The following RAB38 variants were observed in gnomAD, a reference collection of about 807,000 sequenced individuals.
RAB38 encodes RAB38, member RAS oncogene family.
A neutral mutation model predicts 18.4 loss-of-function variants in RAB38; 15 were observed. The ratio of observed to expected loss-of-function variants is 0.82; its 90% CI spans 0.55 to 1.26. The LOEUF is 1.26. Ranked by LOEUF, RAB38 falls within the 50% of genes most tolerant of loss-of-function variation. The probability of loss-of-function intolerance (pLI) is 0.00; values close to 1 mark genes in which losing one functional copy is unlikely to be tolerated. For synonymous variants in RAB38, 101 were observed against 104.4 expected, an observed-to-expected ratio of 0.97 and a Z score of 0.20; for missense variants, 294 against 267.4, an observed-to-expected ratio of 1.10 and a Z score of -0.69.
At chr11:87,891,553 G>A in the RAB38 span, among the ~76,000 whole-genome samples, 10 of 151,760 alleles carry the variant, frequency 6.6e-5, no homozygotes, top group Non-Finnish European at 1.5e-4. Flanking sequence ...CTAAAGAACC[G>A]AGTTTCTGGG....
chr11:87,888,693 C>G, the RAB38 span, among the ~76,000 whole-genome samples: 4 of 151,888 alleles, frequency 2.6e-5, no homozygotes, highest in Non-Finnish European at 1.5e-5. Flanking sequence ...TGGAAACATG[C>G]AAGAAACCAG....
chr11:88,153,749 G>C (rs1245077905), intron 1 of RAB38, among the ~76,000 whole-genome samples: 1 of 152,204 alleles, frequency 6.6e-6, no homozygotes, highest in African/African-American at 2.4e-5. Context: ...GCAGAGATCA[G>C]GAATTTGTAT....
the RAB38 span, among the ~76,000 whole-genome samples, chr11:87,884,031 G>T: frequency 6.6e-6 from 1 of 151,868 alleles, no homozygotes; most frequent in Non-Finnish European, 1.5e-5. Flanking sequence ...TTATTATTAG[G>T]CATGAAGGCC....
chr11:87,805,056 T>C, the RAB38 span, among the ~76,000 whole-genome samples: 82 of 152,298 alleles, frequency 5.4e-4, 1 homozygote, highest in South Asian at 4.1e-4. Context: ...TGCCAACATT[T>C]TGACTCTGTG....
At chr11:88,098,366 T>C in the RAB38 span, among the ~76,000 whole-genome samples, 1 of 151,974 alleles carries the variant, frequency 6.6e-6, no homozygotes, top group African/African-American at 2.4e-5. Flanking sequence ...AAGAGAAAAC[T>C]TAAGTCTATA....
At chr11:87,876,691 A>AT in the RAB38 span, among the ~76,000 whole-genome samples, 1 of 151,076 alleles carries the variant, frequency 6.6e-6, no homozygotes, top group Non-Finnish European at 1.5e-5. Flanking sequence ...AAGTTTGAAA[A>AT]TTTTTTCTTA....
At chr11:88,153,231 G>T (rs1052510887) in intron 1 of RAB38, among the ~76,000 whole-genome samples, 3 of 152,204 alleles carry the variant, frequency 2.0e-5, no homozygotes, top group Non-Finnish European at 4.4e-5. Flanking sequence ...TGGTGTGGCT[G>T]ATCTCAAAGG....
the RAB38 span, among the ~76,000 whole-genome samples, chr11:87,976,823 T>TATATAC: frequency 2.6e-5 from 2 of 76,310 alleles, no homozygotes; most frequent in Admixed American, 3.0e-4. Flanking sequence ...TATTATACAA[T>TATATAC]GTATAATATA....
intron 2 of RAB38, among the ~76,000 whole-genome samples, chr11:88,121,482 T>C (rs1942627822): frequency 6.6e-6 from 1 of 152,228 alleles, no homozygotes; most frequent in East Asian, 1.9e-4. Flanking sequence ...CAGCCCATGT[T>C]CAGACACTCA....
the RAB38 span, among the ~76,000 whole-genome samples, chr11:88,081,381 A>G: frequency 2.0e-5 from 3 of 152,044 alleles, no homozygotes; most frequent in East Asian, 3.9e-4. Context: ...AGCTGACATA[A>G]CACATACTCC....
At chr11:87,971,173 T>C in the RAB38 span, among the ~76,000 whole-genome samples, 5 of 152,050 alleles carry the variant, frequency 3.3e-5, no homozygotes, top group Admixed American at 6.6e-5. Context: ...TTTCAAGCTA[T>C]TGAAAAGCAA....
the RAB38 span, among the ~76,000 whole-genome samples, chr11:87,968,082 G>T: frequency 1.2e-4 from 19 of 152,114 alleles, no homozygotes; most frequent in South Asian, 1.0e-3. Context: ...GTATTATTTG[G>T]CTTATTTTCA....
the RAB38 span, among the ~76,000 whole-genome samples, chr11:88,070,070 T>C: frequency 6.6e-6 from 1 of 152,184 alleles, no homozygotes; most frequent in Non-Finnish European, 1.5e-5. Flanking sequence ...CCTTCCACAC[T>C]GTGGAAGCTT....
At chr11:88,119,880 C>T (rs1044616726) in intron 2 of RAB38, among the ~76,000 whole-genome samples, 10 of 152,078 alleles carry the variant, frequency 6.6e-5, no homozygotes, top group African/African-American at 2.4e-4. Flanking sequence ...CACCACTGTA[C>T]AAAAAGTATT....
At chr11:88,086,240 G>C in the RAB38 span, among the ~76,000 whole-genome samples, 3 of 151,834 alleles carry the variant, frequency 2.0e-5, no homozygotes, top group Non-Finnish European at 4.4e-5. Context: ...ATTGTTTTAA[G>C]AAAGACAGTT....
the RAB38 span, among the ~76,000 whole-genome samples, chr11:87,830,823 G>T: frequency 8.1e-4 from 123 of 152,026 alleles, no homozygotes; most frequent in African/African-American, 2.8e-3. Flanking sequence ...TTTTGAGACA[G>T]GGTCTCTCTC....
the RAB38 span, among the ~76,000 whole-genome samples, chr11:88,092,716 T>C: frequency 1.3e-5 from 2 of 151,544 alleles, no homozygotes; most frequent in Non-Finnish European, 2.9e-5. Flanking sequence ...TATTTTCTAA[T>C]ATATAAATAT....
chr11:87,887,410 G>A, the RAB38 span, among the ~76,000 whole-genome samples: 18 of 151,278 alleles, frequency 1.2e-4, no homozygotes, highest in Non-Finnish European at 7.4e-5. Context: ...CATATGCTCC[G>A]CAGAGTGCTG....
intron 2 of RAB38, among the ~76,000 whole-genome samples, chr11:88,127,845 A>G (rs977793787): frequency 2.0e-5 from 3 of 152,210 alleles, no homozygotes; most frequent in African/African-American, 7.2e-5. Flanking sequence ...TATAGTATCT[A>G]TGGTCACACA....
Sources: gnomAD v4.1 joint callset for allele counts (sites outside exome capture counted in the v4.1 genomes callset) on GRCh38, gnomAD v4.1.1 for gene constraint, MANE v1.5 for transcripts, NCBI Gene and HGNC (gene_info 2026-07-23, HGNC 2026-07-21) for gene names.